KCNIP4: variants seen among roughly 807,000 people sequenced by gnomAD.
KCNIP4 encodes Kv channel-interacting protein 4.
A neutral mutation model predicts 34.0 loss-of-function variants in KCNIP4; 12 were observed. The ratio of observed to expected loss-of-function variants is 0.35; its 90% confidence interval spans 0.23 to 0.57. The LOEUF (loss-of-function observed/expected upper bound fraction) is 0.57. Among genes scored for constraint, KCNIP4 ranks in the 20% least tolerant of loss-of-function variants. KCNIP4 has a pLI of 0.83. For synonymous variants in KCNIP4, 124 were observed against 102.2 expected (o/e 1.21, Z -1.29); for missense variants, 238 against 311.7 (o/e 0.76, Z 1.78).
chr4:21,297,000 G>A (rs1317631770), intron 1 of KCNIP4, among the ~76,000 whole-genome samples: 1 of 151,340 alleles, frequency 6.6e-6, no homozygotes, highest in Admixed American at 6.6e-5. Context: ...ATGTGTGTGT[G>A]TATACATACA....
At chr4:21,635,939 C>A (rs1322788560) in intron 1 of KCNIP4, among the ~76,000 whole-genome samples, 1 of 151,866 alleles carries the variant, frequency 6.6e-6, no homozygotes, top group African/African-American at 2.4e-5. Context: ...CACACATACA[C>A]CATGGAATAC....
At chr4:21,298,836 G>A (rs1763993461) in intron 1 of KCNIP4, among the ~76,000 whole-genome samples, 1 of 152,144 alleles carries the variant, frequency 6.6e-6, no homozygotes, top group Non-Finnish European at 1.5e-5. Context: ...TGCATAGAAT[G>A]CGTCCAAGAA....
At chr4:20,874,879 A>T (rs1273721114) in intron 2 of KCNIP4, among the ~76,000 whole-genome samples, 1 of 152,188 alleles carries the variant, frequency 6.6e-6, no homozygotes, top group Non-Finnish European at 1.5e-5. Context: ...AATTGGTATT[A>T]CAGCAGGGTT....
chr4:21,434,559 T>C (rs1401481609), intron 1 of KCNIP4, among the ~76,000 whole-genome samples: 1 of 151,716 alleles, frequency 6.6e-6, no homozygotes, highest in Non-Finnish European at 1.5e-5. Flanking sequence ...CAGCAGGAGG[T>C]GAGTGGCAGG....
intron 1 of KCNIP4, among the ~76,000 whole-genome samples, chr4:21,599,489 G>A (rs1221871683): frequency 1.3e-5 from 2 of 151,844 alleles, no homozygotes; most frequent in African/African-American, 4.8e-5. Flanking sequence ...CATGTATTAC[G>A]TACTTAATAG....
chr4:21,560,350 GT>G (rs146337970), intron 1 of KCNIP4, among the ~76,000 whole-genome samples: 10,641 of 152,116 alleles, frequency 0.07, 449 homozygotes, highest in East Asian at 0.15. Context: ...GACCATAGCT[GT>G]TTTTGCAATT....
intron 4 of KCNIP4, among the ~76,000 whole-genome samples, chr4:20,755,565 G>T (rs1416021715): frequency 6.6e-6 from 1 of 152,186 alleles, no homozygotes; most frequent in Non-Finnish European, 1.5e-5. Context: ...TTCCCCTGGA[G>T]CTGACATTCT....
intron 1 of KCNIP4, among the ~76,000 whole-genome samples, chr4:21,255,567 T>C (rs1761006661): frequency 6.6e-6 from 1 of 152,156 alleles, no homozygotes; most frequent in Admixed American, 6.5e-5. Context: ...CAGTCTTTGT[T>C]TTCTTTTTCT....
Position 21,147,956 on chromosome 4 carries a change from A to AAAG in KCNIP4, c.62-265248_62-265247insCTT, listed in dbSNP as rs1553945841. 1.8e-3 allele frequency among the ~76,000 whole-genome samples: 235 copies of AAAG among 128,426 alleles called. 4 individuals are homozygous for AAAG. The highest frequency in any genetic ancestry group is 5.0e-3 in the African/African-American group (164 of 32,520). 84.3% of individuals were successfully genotyped at this position (128,426 alleles called of 152,430 possible). ...CTCCGTCTCAAAAAAAAAAAAAAAAAAAAAGAAAAAAAGTTCAAGTACTTT... is the reference window on the plus strand; with the variant it reads ...CTCCGTCTCAAAAAAAAAAAAAAAAAAAGAAAAGAAAAAAAGTTCAAGTACTTT... On this transcript the variant is annotated intron_variant, in intron 1 of 8. Transcript: ENST00000382152.
At chr4:20,797,606 G>A (rs1434967461) in intron 3 of KCNIP4, among the ~76,000 whole-genome samples, 1 of 152,178 alleles carries the variant, frequency 6.6e-6, no homozygotes, top group Non-Finnish European at 1.5e-5. Context: ...TTTAAAAGTA[G>A]AGCATTTTAT....
intron 1 of KCNIP4, among the ~76,000 whole-genome samples, chr4:21,275,265 T>A (rs1237888705): frequency 1.3e-5 from 2 of 152,190 alleles, no homozygotes; most frequent in African/African-American, 2.4e-5. Flanking sequence ...GTCTCCTGAC[T>A]TCCAGTGGAG....
At chr4:20,733,604 A>G (rs908343234) in intron 6 of KCNIP4, among the ~76,000 whole-genome samples, 4 of 152,214 alleles carry the variant, frequency 2.6e-5, no homozygotes, top group African/African-American at 9.6e-5. Flanking sequence ...AGTTTGTTAG[A>G]CACAGGCAGA....
At chr4:21,828,562 T>C (rs1722803163) in intron 1 of KCNIP4, among the ~76,000 whole-genome samples, 1 of 151,704 alleles carries the variant, frequency 6.6e-6, no homozygotes, top group Non-Finnish European at 1.5e-5. Context: ...CACATGGCAG[T>C]AAACCTAAAA....
chr4:21,532,691 A>G (rs1736785132), intron 1 of KCNIP4, among the ~76,000 whole-genome samples: 1 of 152,150 alleles, frequency 6.6e-6, no homozygotes, highest in African/African-American at 2.4e-5. Context: ...TGTATGTATG[A>G]ACTTGCTGAC....
chr4:20,938,979 A>G lies in KCNIP4; in HGVS notation c.62-56270T>C, dbSNP rs566019064. Among the ~76,000 whole-genome samples the G allele has an allele frequency of 2.0e-5, 3 of 152,278 alleles. No individual in the cohort carries two copies. In the South Asian group the frequency reaches 6.2e-4, roughly 32 times the overall value. ...CCAACTAAAAATGATTTTACCCTTT[A>G]TCACTCTAGCAAACAGTCTTTGATA... On this transcript the variant is annotated intron_variant, in intron 1 of 8. Coordinates refer to ENST00000382152, the MANE Select transcript of KCNIP4 (RefSeq NM_025221.6).
chr4:21,204,581 CTAA>C (rs1756716210), intron 1 of KCNIP4, among the ~76,000 whole-genome samples: 1 of 152,040 alleles, frequency 6.6e-6, no homozygotes, highest in Non-Finnish European at 1.5e-5. Context: ...CCTTAGAGGT[CTAA>C]TAATCCATGA....
At chr4:20,912,227 T>G (rs1055988667) in intron 1 of KCNIP4, among the ~76,000 whole-genome samples, 1 of 152,230 alleles carries the variant, frequency 6.6e-6, no homozygotes, top group South Asian at 2.1e-4. Context: ...TTTATCCAGA[T>G]TAAAAAGGAA....
At chr4:21,599,469 T>G (rs1191802850) in intron 1 of KCNIP4, among the ~76,000 whole-genome samples, 1 of 78,854 alleles carries the variant, frequency 1.3e-5, no homozygotes, top group Non-Finnish European at 2.4e-5. Flanking sequence ...AAGAAAAAAA[T>G]GATAACTACC....
chr4:21,479,702 G>A (rs35214385), intron 1 of KCNIP4, among the ~76,000 whole-genome samples: 19,016 of 151,984 alleles, frequency 0.13, 1,358 homozygotes, highest in South Asian at 0.21. Flanking sequence ...AGTTTCACAC[G>A]TATTCTTAGG....
Sources: allele counts gnomAD v4.1 joint callset (sites outside exome capture counted in the v4.1 genomes callset), GRCh38; gene constraint gnomAD v4.1.1; transcripts MANE v1.5; gene names NCBI Gene and HGNC (gene_info 2026-07-23, HGNC 2026-07-21).